The following TNNI3K variants were observed in gnomAD, a reference collection of about 807,000 sequenced individuals.
TNNI3K encodes the protein serine/threonine-protein kinase TNNI3K.
Under a neutral mutation model 114.5 loss-of-function variants are expected in TNNI3K, and 140 were observed. The observed-to-expected ratio is 1.22, with a 90% CI of 1.07 to 1.41. The LOEUF (loss-of-function observed/expected upper bound fraction) is 1.41, where lower values mean the gene tolerates loss of function less well. Among genes scored for constraint, TNNI3K ranks in the 40% most tolerant of loss-of-function variants. TNNI3K has a pLI of 0.00. For synonymous variants in TNNI3K, 347 were observed against 347.5 expected, an observed-to-expected ratio of 1.00 and a Z score of 0.02; for missense variants, 1,125 against 1,007.6, an observed-to-expected ratio of 1.12 and a Z score of -1.58.
rs1669454213 is a variant in TNNI3K, at chr1:74,498,590, AG to A, written c.2351+6326del. On this transcript the variant is annotated intron_variant, in intron 23 of 24. Coordinates refer to ENST00000326637, the MANE Select transcript of TNNI3K (RefSeq NM_015978.3). ...AATTATTAGTTAGGCTGTAAATACC[AG>A]GCTTTGTATTTCTGCAATTTAAGTG... is the stretch of plus-strand genomic sequence containing the variant. Among the ~76,000 whole-genome samples the A allele has an allele frequency of 7.2e-5, 11 of 152,310 alleles. No individual in the cohort carries two copies. In the South Asian group the frequency reaches 2.3e-3, roughly 32 times the overall value.
rs1368249406 is a variant in TNNI3K at position 74,236,106 on chromosome 1, A to G, written c.45A>G (p.Glu15=). The stretch of plus-strand genomic sequence containing the variant: ...TCATTTGTTCTTCTTTACTAGATGA[A>G]TGGAAGAAAAAAGTCAGTGAATCAT... ...KSRPTQTCTD[E]WKKKVSESYV... Residue 15 remains glutamate (E), a synonymous_variant, in exon 2 of 25, where the codon GAA becomes GAG. Transcript: ENST00000326637. The G allele has an allele frequency of 1.2e-6, 2 of 1,604,842 alleles. No individual in the cohort carries two copies. The highest frequency in any genetic ancestry group is 1.7e-6 in the Non-Finnish European group (2 of 1,174,480).
intron 17 of TNNI3K, among the ~76,000 whole-genome samples, chr1:74,414,187 A>G (rs886700471): frequency 3.2e-4 from 49 of 152,190 alleles, no homozygotes; most frequent in African/African-American, 1.1e-3. Flanking sequence ...TATTCTGTCC[A>G]TATATAACAA....
chr1:74,439,692 T>A, intron 20 of TNNI3K, 70 bp downstream of exon 20: 3 of 1,571,152 alleles, frequency 1.9e-6, no homozygotes, highest in Non-Finnish European at 2.6e-6. Context: ...TTCAAGAAAA[T>A]TTTTTTTCAC....
chr1:74,279,691 A>G lies in TNNI3K; in HGVS notation c.444+7983A>G, dbSNP rs192318764. On this transcript the variant is annotated intron_variant, in intron 5 of 24. Transcript: ENST00000326637. ...TACTGATTTAAGTGCTTTAGTAACT[A>G]TTAAAGTGGCATTCAGGGCTCATTC... Among the ~76,000 whole-genome samples the G allele has an allele frequency of 2.9e-3, 437 of 152,336 alleles. 5 individuals are homozygous for G. The highest frequency in any genetic ancestry group is 0.01 in the African/African-American group (421 of 41,592).
Position 74,235,393 on chromosome 1 carries a change from G to A in TNNI3K, c.-59G>A, listed in dbSNP as rs1653785830. ...TTTCAACTGGACTGTCACTGCACTT[G>A]AACTTGGAATCTTATAACTTGAAGA... On this transcript the variant is annotated 5_prime_UTR_variant, in exon 1 of 25. Coordinates refer to ENST00000326637, the MANE Select transcript of TNNI3K (RefSeq NM_015978.3). The A allele has an allele frequency of 8.1e-7, 1 of 1,228,514 alleles. No homozygotes were observed. Among genetic ancestry groups the A allele is most frequent in the Middle Eastern group, 1.9e-4 (1 of 5,280 alleles). 76.1% of individuals were successfully genotyped at this position (1,228,514 alleles called of 1,614,324 possible).
chr1:74,495,918 G>A (rs1282053560), intron 23 of TNNI3K, among the ~76,000 whole-genome samples: 1 of 152,124 alleles, frequency 6.6e-6, no homozygotes, highest in Non-Finnish European at 1.5e-5. Context: ...TGAGAACAGC[G>A]ATCAATAGGT....
chr1:74,313,070 C>A (rs962666668), intron 5 of TNNI3K, among the ~76,000 whole-genome samples: 18 of 152,152 alleles, frequency 1.2e-4, no homozygotes, highest in Non-Finnish European at 1.5e-4. Context: ...GGCTCACTGT[C>A]TTGGATCCTA....
chr1:74,330,592 T>A (rs1230523793), intron 5 of TNNI3K, among the ~76,000 whole-genome samples: 2 of 152,154 alleles, frequency 1.3e-5, no homozygotes, highest in African/African-American at 4.8e-5. Context: ...CACTGAGTAG[T>A]CCCATTTATG....
intron 17 of TNNI3K, among the ~76,000 whole-genome samples, chr1:74,390,227 A>T (rs908340860): frequency 6.6e-6 from 1 of 150,772 alleles, no homozygotes; most frequent in African/African-American, 2.5e-5. Context: ...CCATGGAAAA[A>T]GACTCTCTGA....
chr1:74,415,937 C>A (rs1020573398), intron 17 of TNNI3K, among the ~76,000 whole-genome samples: 1 of 152,038 alleles, frequency 6.6e-6, no homozygotes, highest in Admixed American at 6.6e-5. Context: ...AAGGAATATG[C>A]TTTAGATAAT....
intron 2 of TNNI3K, among the ~76,000 whole-genome samples, chr1:74,245,515 C>T (rs1365500034): frequency 6.6e-6 from 1 of 152,128 alleles, no homozygotes; most frequent in Non-Finnish European, 1.5e-5. Flanking sequence ...AAGCTGCCTC[C>T]TGCCTATTTA....
At chr1:74,467,113 A>G (rs1266758533) in intron 21 of TNNI3K, among the ~76,000 whole-genome samples, 1 of 152,204 alleles carries the variant, frequency 6.6e-6, no homozygotes, top group Non-Finnish European at 1.5e-5. Context: ...TTCTGAAAGA[A>G]GGCGGCTTGG....
At chr1:74,275,007 A>T (rs1656588818) in intron 5 of TNNI3K, among the ~76,000 whole-genome samples, 1 of 152,126 alleles carries the variant, frequency 6.6e-6, no homozygotes, top group South Asian at 2.1e-4. Context: ...ACCATTGTAA[A>T]GTCAAAAAAT....
chr1:74,276,286 C>T (rs1022966187), intron 5 of TNNI3K, among the ~76,000 whole-genome samples: 21 of 151,974 alleles, frequency 1.4e-4, no homozygotes, highest in African/African-American at 4.8e-4. Flanking sequence ...ATATTTAAAA[C>T]CATAATAACA....
intron 17 of TNNI3K, among the ~76,000 whole-genome samples, chr1:74,422,285 A>G (rs555520124): frequency 6.6e-6 from 1 of 152,082 alleles, no homozygotes; most frequent in South Asian, 2.1e-4. Flanking sequence ...TTTTTTATTT[A>G]TATCCTATTA....
intron 21 of TNNI3K, chr1:74,475,252 A>T (rs971594792): frequency 8.1e-6 from 5 of 614,124 alleles, no homozygotes; most frequent in African/African-American, 7.4e-5. Context: ...TCCTTCAAAA[A>T]GAATTAAACG....
chr1:74,396,815 C>T (rs556844767), intron 17 of TNNI3K, among the ~76,000 whole-genome samples: 2 of 152,320 alleles, frequency 1.3e-5, no homozygotes, highest in East Asian at 1.9e-4. Flanking sequence ...TCTGCAGAGG[C>T]TCAGGGATCA....
intron 13 of TNNI3K, among the ~76,000 whole-genome samples, chr1:74,368,472 G>T (rs1662399108): frequency 6.6e-6 from 1 of 151,780 alleles, no homozygotes; most frequent in Non-Finnish European, 1.5e-5. Flanking sequence ...TTAGAATGTA[G>T]AATGAGTGTT....
chr1:74,304,617 T>A lies in TNNI3K; in HGVS notation c.445-26833T>A, dbSNP rs1049895705. Among the ~76,000 whole-genome samples, 5 of 151,942 alleles carry A rather than the reference T, an allele frequency of 3.3e-5. No homozygotes were observed. The East Asian group carries it at 5.8e-4, about 18-fold the overall frequency. ...GCCACCATGCCTGTCTAATTTTTAT[T>A]TTTTTTTTATAGAAATGGGGTCTCA... On this transcript the variant is annotated intron_variant, in intron 5 of 24. Coordinates refer to ENST00000326637, the MANE Select transcript of TNNI3K (RefSeq NM_015978.3).
Sources: gnomAD v4.1 joint callset for allele counts (sites outside exome capture counted in the v4.1 genomes callset) on GRCh38, gnomAD v4.1.1 for gene constraint, MANE v1.5 for transcripts, NCBI Gene and HGNC (gene_info 2026-07-23, HGNC 2026-07-21) for gene names.